SLC2A12: variants seen among roughly 807,000 people sequenced by gnomAD.
SLC2A12 encodes the protein solute carrier family 2, facilitated glucose transporter member 12.
Under a neutral mutation model 41.8 loss-of-function variants are expected in SLC2A12, and 23 were observed. The ratio of observed to expected loss-of-function variants is 0.55; its 90% CI spans 0.40 to 0.78. The LOEUF (loss-of-function observed/expected upper bound fraction) is 0.78. Among genes scored for constraint, SLC2A12 ranks in the 30% least tolerant of loss-of-function variants. The probability of loss-of-function intolerance (pLI) is 0.00; values close to 1 mark genes in which losing one functional copy is unlikely to be tolerated. For missense variants in SLC2A12, 654 were observed against 745.6 expected (o/e 0.88, Z 1.43); for synonymous variants, 295 against 285.9 (o/e 1.03, Z -0.32).
intron 2 of SLC2A12, among the ~76,000 whole-genome samples, chr6:134,010,792 C>G (rs1388179180): frequency 6.6e-6 from 1 of 152,142 alleles, no homozygotes; most frequent in East Asian, 1.9e-4. Flanking sequence ...TCGTTGAAGT[C>G]TCTCTGTCTC....
At chr6:134,017,132 T>C (rs1245357848) in intron 2 of SLC2A12, among the ~76,000 whole-genome samples, 4 of 152,172 alleles carry the variant, frequency 2.6e-5, no homozygotes, top group African/African-American at 9.7e-5. Context: ...TAAAATAAAT[T>C]TTGTCTAACA....
chr6:134,040,873 G>T (rs910781103), intron 1 of SLC2A12, among the ~76,000 whole-genome samples: 16 of 152,192 alleles, frequency 1.1e-4, no homozygotes, highest in African/African-American at 3.6e-4. Context: ...AATCAGAGGG[G>T]AGTTGGAATG....
At chr6:133,993,748 C>T (rs1776651474) in intron 4 of SLC2A12, among the ~76,000 whole-genome samples, 1 of 152,216 alleles carries the variant, frequency 6.6e-6, no homozygotes, top group South Asian at 2.1e-4. Context: ...GGTGAAGCAG[C>T]AAGACAGGTG....
intron 4 of SLC2A12, among the ~76,000 whole-genome samples, chr6:134,001,446 A>C (rs1392899782): frequency 2.6e-5 from 4 of 152,270 alleles, no homozygotes; most frequent in Non-Finnish European, 5.9e-5. Flanking sequence ...AAATGCAGAC[A>C]GTGAAAATAT....
Position 134,006,868 on chromosome 6 carries a change from G to A in SLC2A12, c.1511C>T (p.Ser504Phe). 1.9e-6 allele frequency: 3 copies of A among 1,614,172 alleles called. No individual in the cohort carries two copies. The highest frequency in any genetic ancestry group is 2.5e-6 in the Non-Finnish European group (3 of 1,180,024). ...GAGATTGATGCCCCAGTTCATGCTA[G>A]AAGTTAAAGCCATGGCTCGTCCTCT... ...GIRGRAMALT[S>F]SMNWGINLLI... is the part of the protein sequence containing the mutation. The change falls in exon 3 of 5, where the codon TCT (serine) becomes TTT (phenylalanine). Residue 504 changes from serine (S) to phenylalanine (F), a missense_variant. Coordinates refer to ENST00000275230, the MANE Select transcript of SLC2A12 (RefSeq NM_145176.3).
intron 2 of SLC2A12, among the ~76,000 whole-genome samples, chr6:134,017,634 C>G (rs977016670): frequency 1.8e-4 from 27 of 152,200 alleles, no homozygotes; most frequent in African/African-American, 6.3e-4. Flanking sequence ...GGGCGGATCA[C>G]AAGGTCAGGA....
chr6:134,028,385 TC>T lies in SLC2A12; in HGVS notation c.1439del (p.Gly480AspfsTer23). On this transcript the variant is annotated frameshift_variant, in exon 2 of 5. Coordinates refer to ENST00000275230, the MANE Select transcript of SLC2A12 (RefSeq NM_145176.3). LOFTEE classifies it high-confidence loss of function. The stretch of plus-strand genomic sequence containing the variant: ...ATTAAAGAATAAAGTACTTACTTGG[TC>T]CTAGACCAATTGAAAAAGCAGCAAC... ...VYVAAFSIGL[G>X]PMPWLVLSEI... 6.2e-7 allele frequency: 1 copy of T among 1,610,768 alleles called. No homozygotes were observed. The highest frequency in any genetic ancestry group is 8.5e-7 in the Non-Finnish European group (1 of 1,178,520).
intron 4 of SLC2A12, among the ~76,000 whole-genome samples, chr6:133,991,916 T>G (rs1776628525): frequency 6.6e-6 from 1 of 152,192 alleles, no homozygotes; most frequent in South Asian, 2.1e-4. Context: ...GAGACGAGCT[T>G]ATAACTTGAA....
intron 2 of SLC2A12, 133 bp downstream of exon 2, chr6:134,028,248 T>C (rs746867793): frequency 5.0e-6 from 6 of 1,201,842 alleles, no homozygotes; most frequent in Non-Finnish European, 6.9e-6. Context: ...CAAGCATACT[T>C]TCTGCATTAG....
rs745922871 is a variant in SLC2A12 at position 134,029,553 on chromosome 6, A to G, written c.272T>C (p.Leu91Pro). ...GACCCCTCCGGTGAGTGAGGCAAGG[A>G]GGGCTCCAATGACGAGGGAGCTCAC... ...MVVSSLVIGA[L>P]LASLTGGVLI... The change falls in exon 2 of 5, where the codon CTC becomes CCC. Residue 91 changes from leucine (L) to proline (P), a missense_variant. By Grantham distance (98) the Leu-to-Pro change is moderately conservative. Coordinates refer to ENST00000275230, the MANE Select transcript of SLC2A12 (RefSeq NM_145176.3). 6.2e-7 allele frequency: 1 copy of G among 1,614,114 alleles called. No individual in the cohort carries two copies. The highest frequency in any genetic ancestry group is 8.5e-7 in the Non-Finnish European group (1 of 1,180,010).
chr6:133,994,366 CAAGCCTTG>C (rs1352420719), intron 4 of SLC2A12, among the ~76,000 whole-genome samples: 3 of 152,170 alleles, frequency 2.0e-5, no homozygotes, highest in Non-Finnish European at 4.4e-5. Flanking sequence ...GTTGAATAAA[CAAGCCTTG>C]AATTCTAGAG....
In SLC2A12 at chr6:134,029,723, T is replaced by C. The variant is rs1777175675; in HGVS notation, c.104-2A>G. On this transcript the variant is annotated splice_acceptor_variant, in intron 1 of 4. Transcript: ENST00000275230. LOFTEE classifies it high-confidence loss of function. ...ACAGGAAGGTAAACATGCCGCAGCCTGCAAGCAGAGAGAAGAGACAGGGAG... is the reference window on the plus strand; with the variant it reads ...ACAGGAAGGTAAACATGCCGCAGCCCGCAAGCAGAGAGAAGAGACAGGGAG... The C allele has an allele frequency of 6.3e-7, 1 of 1,590,204 alleles. No homozygotes were observed. The highest frequency in any genetic ancestry group is 8.5e-7 in the Non-Finnish European group (1 of 1,171,706).
chr6:134,039,058 T>A (rs1431758228), intron 1 of SLC2A12, among the ~76,000 whole-genome samples: 3 of 152,300 alleles, frequency 2.0e-5, no homozygotes, highest in Non-Finnish European at 4.4e-5. Flanking sequence ...TCTGGTGCAT[T>A]TTCTTCTAAA....
intron 1 of SLC2A12, among the ~76,000 whole-genome samples, chr6:134,043,609 T>G (rs1178750387): frequency 6.6e-6 from 1 of 151,830 alleles, no homozygotes; most frequent in African/African-American, 2.4e-5. Context: ...CTGGCTAACA[T>G]GGTAAAACCC....
chr6:134,007,825 C>T (rs1226786518), intron 2 of SLC2A12, among the ~76,000 whole-genome samples: 1 of 152,174 alleles, frequency 6.6e-6, no homozygotes, highest in Non-Finnish European at 1.5e-5. Context: ...TACGAAACCT[C>T]TTTTATCAAA....
Position 133,991,162 on chromosome 6 carries a change from T to G in SLC2A12, c.1847A>C (p.Glu616Ala). 1 of 1,612,576 alleles carries G rather than the reference T, an allele frequency of 6.2e-7. No homozygotes were observed. The highest frequency in any genetic ancestry group is 8.5e-7 in the Non-Finnish European group (1 of 1,179,630). ...GRGQSRQLSPET is the reference protein window; with the variant it reads ...GRGQSRQLSPAT ...CAGAAGGTGTTGAGGCCATTAGGTCTCTGGAGAAAGCTGCCTGGATTGGCC... is the reference window on the plus strand; with the variant it reads ...CAGAAGGTGTTGAGGCCATTAGGTCGCTGGAGAAAGCTGCCTGGATTGGCC... The change falls in exon 5 of 5, where the codon GAG becomes GCG. Residue 616 changes from glutamate (E) to alanine (A), a missense_variant. Physicochemically the swap from Glu to Ala is moderately radical, Grantham distance 107 (BLOSUM62 -1). Coordinates refer to ENST00000275230, the MANE Select transcript of SLC2A12 (RefSeq NM_145176.3).
At chr6:134,040,538 C>T (rs1441386166) in intron 1 of SLC2A12, among the ~76,000 whole-genome samples, 2 of 152,218 alleles carry the variant, frequency 1.3e-5, no homozygotes, top group African/African-American at 4.8e-5. Flanking sequence ...CTGTACCCAT[C>T]CTCCTGTTCC....
At chr6:134,022,759 G>T (rs1016850267) in intron 2 of SLC2A12, among the ~76,000 whole-genome samples, 2 of 152,172 alleles carry the variant, frequency 1.3e-5, no homozygotes, top group Non-Finnish European at 2.9e-5. Context: ...ATACCAAAAT[G>T]GAGTCACTTA....
chr6:133,998,182 A>C (rs1330846289), intron 4 of SLC2A12, among the ~76,000 whole-genome samples: 1 of 152,194 alleles, frequency 6.6e-6, no homozygotes, highest in Non-Finnish European at 1.5e-5. Context: ...TCCCCACCCC[A>C]AATTCTGAAT....
Sources: gnomAD v4.1 joint callset for allele counts (sites outside exome capture counted in the v4.1 genomes callset) on GRCh38, gnomAD v4.1.1 for gene constraint, MANE v1.5 for transcripts, NCBI Gene and HGNC (gene_info 2026-07-23, HGNC 2026-07-21) for gene names.